CALHM4: variants seen among roughly 807,000 people sequenced by gnomAD.
CALHM4 encodes the protein calcium homeostasis modulator protein 4.
Under a neutral mutation model 13.3 loss-of-function variants are expected in CALHM4, and 16 were observed. That is an observed-to-expected ratio of 1.20 (90% confidence interval 0.81 to 1.82). The LOEUF (loss-of-function observed/expected upper bound fraction) is 1.82, where lower values mean the gene tolerates loss of function less well. Ranked by LOEUF, CALHM4 falls within the 40% of genes most tolerant of loss-of-function variation. The probability of loss-of-function intolerance (pLI) is 0.00; values close to 1 mark genes in which losing one functional copy is unlikely to be tolerated. For missense variants in CALHM4, 344 were observed against 374.9 expected (o/e 0.92, Z 0.68); for synonymous variants, 127 against 137.1 (o/e 0.93, Z 0.52).
At chr6:116,530,596 G>A (rs755071147) in intron 1 of CALHM4, among the ~76,000 whole-genome samples, 7 of 152,074 alleles carry the variant, frequency 4.6e-5, no homozygotes, top group Non-Finnish European at 8.8e-5. Context: ...TCACTGTTCT[G>A]AATAATGTCT....
chr6:116,550,212 T>C (rs180780250), upstream of CALHM4, among the ~76,000 whole-genome samples: 1 of 151,988 alleles, frequency 6.6e-6, no homozygotes, highest in African/African-American at 2.4e-5. Context: ...CCCATTGATA[T>C]ATATTTCAGT....
chr6:116,537,878 C>T (rs1050877162), intron 1 of CALHM4, among the ~76,000 whole-genome samples: 1 of 152,182 alleles, frequency 6.6e-6, no homozygotes, highest in Non-Finnish European at 1.5e-5. Flanking sequence ...TTAGGCCCCA[C>T]ATAAATATGT....
upstream of CALHM4, chr6:116,553,729 T>G: frequency 7.1e-7 from 1 of 1,401,532 alleles, no homozygotes; most frequent in Non-Finnish European, 9.7e-7. Context: ...CATAAAATGG[T>G]TATAGCTGGT....
In CALHM4 at chr6:116,555,014, G is replaced by GA. The variant is rs1774247833; in HGVS notation, c.558+669dup. On this transcript the variant is annotated intron_variant, in intron 1 of 1. Coordinates refer to ENST00000368596, the MANE Select transcript of CALHM4 (RefSeq NM_001366078.2). ...CATCAATTTCTCCAAGGGATCTGAG[G>GA]AAAAAACACATTTTGAAATCATCAT... 4.6e-5 allele frequency among the ~76,000 whole-genome samples: 7 copies of GA among 152,068 alleles called. No individual in the cohort carries two copies. The South Asian group carries it at 1.4e-3, about 31-fold the overall frequency.
chr6:116,542,750 A>G, intron 1 of CALHM4, among the ~76,000 whole-genome samples: 1 of 152,244 alleles, frequency 6.6e-6, no homozygotes, highest in Middle Eastern at 3.4e-3. Context: ...TATGTTTTTT[A>G]AGAAAAGCAT....
upstream of CALHM4, among the ~76,000 whole-genome samples, chr6:116,553,271 G>A (rs1332553095): frequency 6.6e-6 from 1 of 152,150 alleles, no homozygotes; most frequent in Non-Finnish European, 1.5e-5. Context: ...TCTTTCCTTG[G>A]GGAAATCTTT....
chr6:116,537,821 C>G (rs1773192494), intron 1 of CALHM4, among the ~76,000 whole-genome samples: 1 of 152,172 alleles, frequency 6.6e-6, no homozygotes, highest in African/African-American at 2.4e-5. Context: ...CTTTTCTTTT[C>G]TTTCAACTAA....
At chr6:116,540,288 G>A in intron 1 of CALHM4, 1 of 1,402,676 alleles carries the variant, frequency 7.1e-7, no homozygotes, top group Non-Finnish European at 9.8e-7. Context: ...TGTCCAATCT[G>A]AACAGAAAAC....
In CALHM4 at chr6:116,544,151, A is replaced by AAGAGAGAGAGAGAGAGAGAGAGAG. The variant is rs141606346; in HGVS notation, c.-1+287_-1+310dup. On this transcript the variant is annotated intron_variant, in intron 2 of 2. Transcript: ENST00000368597. Reference sequence around the variant, plus strand: ...AGCATAAAGATAAGCAAAGGTGAAGAAGAGAGAGAGAGAGAGAGAGAGAGA... The same window carrying AAGAGAGAGAGAGAGAGAGAGAGAG: ...AGCATAAAGATAAGCAAAGGTGAAGAAGAGAGAGAGAGAGAGAGAGAGAGAGAGAGAGAGAGAGAGAGAGAGAGA... Among the ~76,000 whole-genome samples the AAGAGAGAGAGAGAGAGAGAGAGAG allele has an allele frequency of 2.9e-4, 38 of 133,004 alleles. 1 individual carries two copies. Among genetic ancestry groups the AAGAGAGAGAGAGAGAGAGAGAGAG allele is most frequent in the Non-Finnish European group, 3.6e-4 (22 of 61,006 alleles). The allele number at this position is 133,004 out of a possible 152,430, so 87.3% of individuals were successfully genotyped here. A position where few individuals can be genotyped will look rare whatever the true frequency, so the allele number is the denominator to read the frequency against.
intron 1 of CALHM4, among the ~76,000 whole-genome samples, chr6:116,531,340 A>T (rs1010654696): frequency 5.9e-5 from 9 of 152,204 alleles, no homozygotes; most frequent in African/African-American, 2.2e-4. Context: ...CCATGAGGCA[A>T]CAAAAACTGT....
chr6:116,533,508 C>T (rs1772872802), intron 1 of CALHM4, among the ~76,000 whole-genome samples: 1 of 152,164 alleles, frequency 6.6e-6, no homozygotes, highest in Admixed American at 6.5e-5. Flanking sequence ...AGAATAATTC[C>T]AGCGTGAGAG....
chr6:116,556,554 G>T (rs1774326323), intron 1 of CALHM4, among the ~76,000 whole-genome samples: 1 of 152,144 alleles, frequency 6.6e-6, no homozygotes, highest in Admixed American at 6.5e-5. Flanking sequence ...CTATCCCACT[G>T]TGCACACACT....
chr6:116,540,840 T>C (rs183056579), intron 1 of CALHM4, among the ~76,000 whole-genome samples: 11 of 152,292 alleles, frequency 7.2e-5, no homozygotes, highest in Admixed American at 7.2e-4. Flanking sequence ...AGCTAAAGCG[T>C]CTGCTACATG....
intron 1 of CALHM4, among the ~76,000 whole-genome samples, chr6:116,538,243 G>T (rs1199022073): frequency 6.6e-6 from 1 of 152,154 alleles, no homozygotes; most frequent in Non-Finnish European, 1.5e-5. Flanking sequence ...AAAAACTGGA[G>T]AATCCTCCCA....
At chr6:116,543,839 C>A in exon 2 of CALHM4, 1 of 1,534,274 alleles carries the variant, frequency 6.5e-7, no homozygotes, top group Non-Finnish European at 8.7e-7. Context: ...GCCAAGGAGA[C>A]CTTCAGGATA....
At chr6:116,542,231 A>G (rs192515348) in intron 1 of CALHM4, among the ~76,000 whole-genome samples, 22 of 152,276 alleles carry the variant, frequency 1.4e-4, no homozygotes, top group Admixed American at 1.2e-3. Context: ...TGACTGAAAA[A>G]TCTATAGGTA....
At chr6:116,541,461 G>T (rs541958952) in intron 1 of CALHM4, among the ~76,000 whole-genome samples, 153 of 152,290 alleles carry the variant, frequency 1.0e-3, no homozygotes, top group African/African-American at 3.6e-3. Flanking sequence ...CAGAGGCAAT[G>T]ATTACTCCAG....
At chr6:116,531,281 G>T (rs1372435089) in intron 1 of CALHM4, among the ~76,000 whole-genome samples, 1 of 152,150 alleles carries the variant, frequency 6.6e-6, no homozygotes, top group African/African-American at 2.4e-5. Flanking sequence ...CAGTTTGGGT[G>T]ATTGGGCAGA....
chr6:116,558,232 C>A lies in CALHM4; in HGVS notation c.*21C>A. 1 of 1,588,038 alleles carries A rather than the reference C, an allele frequency of 6.3e-7. No homozygotes were observed. The highest frequency in any genetic ancestry group is 1.1e-5 in the South Asian group (1 of 88,198). On this transcript the variant is annotated 3_prime_UTR_variant, in exon 2 of 2. Transcript: ENST00000368596. ...CTTGATTACAGCACCTTTCATGAGT[C>A]AGGTTGCTTAGCAGATACTTGGCTT...
Sources: allele counts gnomAD v4.1 joint callset (sites outside exome capture counted in the v4.1 genomes callset), GRCh38; gene constraint gnomAD v4.1.1; transcripts MANE v1.5; gene names NCBI Gene and HGNC (gene_info 2026-07-23, HGNC 2026-07-21).